Variants in KCNJ6 observed in about 807,000 individuals in gnomAD.
KCNJ6 encodes potassium inwardly rectifying channel subfamily J member 6, also known as G protein-activated inward rectifier potassium channel 2.
Under a neutral mutation model 34.2 loss-of-function variants are expected in KCNJ6, and 9 were observed. The observed-to-expected ratio is 0.26, with a 90% CI of 0.16 to 0.46. The LOEUF is 0.46. Among genes scored for constraint, KCNJ6 ranks in the 20% least tolerant of loss-of-function variants. The pLI is 1.00. For missense variants in KCNJ6, 236 were observed against 531.3 expected, an observed-to-expected ratio of 0.44 and a Z score of 5.46; for synonymous variants, 196 against 207.1, an observed-to-expected ratio of 0.95 and a Z score of 0.46.
At chr21:37,630,158 G>GTGTGTGTGTGTGTGTGTGTGTGTGTGT (rs1556010880) in intron 3 of KCNJ6, among the ~76,000 whole-genome samples, 21 of 145,796 alleles carry the variant, frequency 1.4e-4, no homozygotes, top group South Asian at 6.6e-4. Context: ...GTGTGTGTGT[G>GTGTGTGTGTGTGTGTGTGTGTGTGTGT]GTGTTTATGT....
At chr21:37,898,892 T>C (rs1260182160) in intron 1 of KCNJ6, among the ~76,000 whole-genome samples, 1 of 152,206 alleles carries the variant, frequency 6.6e-6, no homozygotes, top group African/African-American at 2.4e-5. Context: ...TAGGTGTAAT[T>C]TACAGTTGTT....
In KCNJ6 at chr21:37,661,614, G is replaced by GTTTTTT. The variant is rs59026391; in HGVS notation, c.947-36136_947-36131dup. Among the ~76,000 whole-genome samples the GTTTTTT allele has an allele frequency of 5.1e-3, 360 of 70,966 alleles. 89 individuals are homozygous for GTTTTTT. Among genetic ancestry groups the GTTTTTT allele is most frequent in the Non-Finnish European group, 5.9e-3 (224 of 38,114 alleles). The allele number at this position is 70,966 out of a possible 152,430, so 46.6% of individuals were successfully genotyped here. A position where few individuals can be genotyped will look rare whatever the true frequency, so the allele number is the denominator to read the frequency against. On this transcript the variant is annotated intron_variant, in intron 3 of 3. Transcript: ENST00000609713. ...TCCACCCATTTCCTTAAGAGACATA[G>GTTTTTT]TTTTTTTTTTTTTTTTTTTTTTTTT...
intron 2 of KCNJ6, among the ~76,000 whole-genome samples, chr21:37,750,587 A>G (rs935153140): frequency 6.6e-6 from 1 of 152,194 alleles, no homozygotes; most frequent in African/African-American, 2.4e-5. Context: ...AGGGACATGG[A>G]TGAAGTTGGA....
chr21:37,852,454 G>A (rs981947303), intron 1 of KCNJ6, among the ~76,000 whole-genome samples: 1 of 152,146 alleles, frequency 6.6e-6, no homozygotes, highest in Non-Finnish European at 1.5e-5. Flanking sequence ...TCCTATCCCA[G>A]CCAGGATGGT....
chr21:37,746,637 C>G (rs959625417), intron 2 of KCNJ6, among the ~76,000 whole-genome samples: 2 of 152,130 alleles, frequency 1.3e-5, no homozygotes, highest in African/African-American at 4.8e-5. Flanking sequence ...TGAGTAATTC[C>G]CCTCTGATTA....
At chr21:37,690,776 CTTTTCTTTTTT>C (rs1421402346) in intron 3 of KCNJ6, among the ~76,000 whole-genome samples, 1 of 137,472 alleles carries the variant, frequency 7.3e-6, no homozygotes, top group African/African-American at 3.0e-5. Flanking sequence ...CTTCTTTTTT[CTTTTCTTTTTT>C]TTTTTTTTTT....
intron 2 of KCNJ6, among the ~76,000 whole-genome samples, chr21:37,764,740 A>G (rs961464108): frequency 2.0e-5 from 3 of 152,162 alleles, no homozygotes; most frequent in African/African-American, 7.2e-5. Context: ...AGTCAGTTGT[A>G]TTTTTAAGGT....
At position 37,744,021 on chromosome 21, in the gene KCNJ6, A is replaced by G. The variant is rs370443656; in HGVS notation, c.26-28890T>C. On this transcript the variant is annotated intron_variant, in intron 2 of 3. Transcript: ENST00000609713. ...TCACTCTTCCCCAAATCAGTAAGGG[A>G]GCCACACTACTCTATCAATAATGGA... Among the ~76,000 whole-genome samples, 320 of 152,026 alleles carry G rather than the reference A, an allele frequency of 2.1e-3. 2 individuals are homozygous for G. Among genetic ancestry groups the G allele is most frequent in the African/African-American group, 7.4e-3 (307 of 41,464 alleles).
intron 3 of KCNJ6, among the ~76,000 whole-genome samples, chr21:37,670,932 A>G (rs1459182285): frequency 6.6e-6 from 1 of 151,912 alleles, no homozygotes; most frequent in Admixed American, 6.6e-5. Flanking sequence ...ATTTTATTTC[A>G]TTTTTTGGAT....
intron 1 of KCNJ6, among the ~76,000 whole-genome samples, chr21:37,915,614 G>A (rs1177169818): frequency 1.3e-5 from 2 of 152,218 alleles, no homozygotes; most frequent in African/African-American, 4.8e-5. Flanking sequence ...GGGTTTCTGC[G>A]AGCCCAGGGA....
intron 2 of KCNJ6, among the ~76,000 whole-genome samples, chr21:37,716,081 A>T (rs1569450963): frequency 6.6e-6 from 1 of 152,170 alleles, no homozygotes; most frequent in East Asian, 1.9e-4. Context: ...TGCAATCAAT[A>T]TTTTTTTGTA....
chr21:37,826,569 A>C (rs531752207), intron 2 of KCNJ6, among the ~76,000 whole-genome samples: 107 of 152,002 alleles, frequency 7.0e-4, no homozygotes, highest in African/African-American at 2.5e-3. Flanking sequence ...CATGGTACCT[A>C]CTGATAAATA....
At chr21:37,644,884 CG>C (rs1190302026) in intron 3 of KCNJ6, among the ~76,000 whole-genome samples, 1 of 152,082 alleles carries the variant, frequency 6.6e-6, no homozygotes, top group African/African-American at 2.4e-5. Flanking sequence ...AAACAATAGC[CG>C]GACTTCCTGC....
chr21:37,803,998 C>T lies in KCNJ6; in HGVS notation c.25+36660G>A, dbSNP rs565654398. On this transcript the variant is annotated intron_variant, in intron 2 of 3. Coordinates refer to ENST00000609713, the MANE Select transcript of KCNJ6 (RefSeq NM_002240.5). ...GAATTTTATTTCTGAGCTCAAAATC[C>T]CTGTGAGCAAAAATACTCTGCCCCC... Among the ~76,000 whole-genome samples, 43 of 152,028 alleles carry T rather than the reference C, an allele frequency of 2.8e-4. 1 individual carries two copies. The highest frequency in any genetic ancestry group is 6.6e-5 in the Admixed American group (1 of 15,266).
At chr21:37,885,543 AAG>A (rs556992800) in intron 1 of KCNJ6, among the ~76,000 whole-genome samples, 6 of 152,202 alleles carry the variant, frequency 3.9e-5, no homozygotes, top group Admixed American at 1.3e-4. Flanking sequence ...TCTTCCTTGC[AAG>A]AGAGATTTGA....
intron 1 of KCNJ6, among the ~76,000 whole-genome samples, chr21:37,843,099 C>G (rs1376141879): frequency 1.3e-5 from 2 of 152,138 alleles, no homozygotes; most frequent in Admixed American, 6.6e-5. Flanking sequence ...GTCCAGATTC[C>G]AGGCATTACA....
intron 1 of KCNJ6, among the ~76,000 whole-genome samples, chr21:37,895,599 G>C (rs558786180): frequency 6.6e-6 from 1 of 152,238 alleles, no homozygotes; most frequent in Non-Finnish European, 1.5e-5. Context: ...TTCCTCCTCT[G>C]TCCCTCCCAC....
intron 3 of KCNJ6, among the ~76,000 whole-genome samples, chr21:37,681,015 G>A (rs1254967751): frequency 6.6e-6 from 1 of 152,156 alleles, no homozygotes; most frequent in Non-Finnish European, 1.5e-5. Context: ...AAGGGACAGC[G>A]CTCAGTAGCT....
intron 1 of KCNJ6, among the ~76,000 whole-genome samples, chr21:37,846,177 TG>T (rs1417583933): frequency 6.6e-6 from 1 of 152,170 alleles, no homozygotes. Flanking sequence ...AACTTGCTTG[TG>T]GGGGTGTGTG....
Sources: gnomAD v4.1 joint callset for allele counts (sites outside exome capture counted in the v4.1 genomes callset) on GRCh38, gnomAD v4.1.1 for gene constraint, MANE v1.5 for transcripts, NCBI Gene and HGNC (gene_info 2026-07-23, HGNC 2026-07-21) for gene names.